TLCD1: variants seen among roughly 807,000 people sequenced by gnomAD.
TLCD1 encodes TLC domain containing 1.
In TLCD1, 21 loss-of-function variants were observed where a neutral mutation model predicts 21.2. The ratio of observed to expected loss-of-function variants is 0.99; its 90% confidence interval spans 0.70 to 1.42. The LOEUF is 1.42. Ranked by LOEUF, TLCD1 falls within the 40% of genes most tolerant of loss-of-function variation. The pLI, the probability that TLCD1 is intolerant of heterozygous loss-of-function variation, is 0.00. For synonymous variants in TLCD1, 168 were observed against 134.8 expected (o/e 1.25, Z -1.71); for missense variants, 344 against 330.3 (o/e 1.04, Z -0.32).
upstream of TLCD1, chr17:28,727,159 A>T: frequency 4.5e-6 from 1 of 224,598 alleles, no homozygotes; most frequent in Non-Finnish European, 8.8e-6. Context: ...GAGGGAGAAG[A>T]GGGTAGTAAT....
intron 3 of TLCD1, 94 bp from the exon 4 acceptor site, chr17:28,724,987 AT>A (rs1332374274): frequency 6.5e-6 from 9 of 1,380,764 alleles, no homozygotes; most frequent in Non-Finnish European, 8.8e-6. Flanking sequence ...GGGCTGGAAA[AT>A]CCCAAATTTC....
At chr17:28,725,750 T>G in intron 1 of TLCD1, 154 bp downstream of exon 1, 1 of 1,208,326 alleles carries the variant, frequency 8.3e-7, no homozygotes. Context: ...CTGGGGCCAC[T>G]GCGGCTTTTG....
Position 28,724,871 on chromosome 17 carries a change from C to G in TLCD1, c.383G>C (p.Gly128Ala). 5.6e-6 allele frequency: 9 copies of G among 1,613,380 alleles called. No homozygotes were observed. Among genetic ancestry groups the G allele is most frequent in the Non-Finnish European group, 7.6e-6 (9 of 1,179,790 alleles). ...ACCGACAAAGCTGCTCCAAAAGATG[C>G]CGGAGAAGAAGGCACCCATGGCCTA... The part of the protein sequence containing the change: ...HVMAMGAFFS[G>A]IFWSSFVGGG... Residue 128 changes from glycine (G) to alanine (A), a missense_variant, in exon 4 of 4, where the codon GGC becomes GCC. Gly to Ala is a moderately conservative substitution (Grantham distance 60, BLOSUM62 0). Coordinates refer to ENST00000292090, the MANE Select transcript of TLCD1 (RefSeq NM_138463.4).
At position 28,726,182 on chromosome 17, in the gene TLCD1, G is replaced by T; in HGVS notation, c.-85C>A. The stretch of plus-strand genomic sequence containing the variant: ...GATCCCTCTCGGGCCAGTCCAGGCC[G>T]GCCGCCTCTCCCGCCGGCCGCCAGC... On this transcript the variant is annotated 5_prime_UTR_variant, in exon 1 of 4. Transcript: ENST00000292090. 1.5e-6 allele frequency: 2 copies of T among 1,374,500 alleles called. No individual in the cohort carries two copies. The highest frequency in any genetic ancestry group is 1.7e-5 in the South Asian group (1 of 59,988). The allele number at this position is 1,374,500 out of a possible 1,614,324, so 85.1% of individuals were successfully genotyped here.
At position 28,724,849 on chromosome 17, in the gene TLCD1, G is replaced by T. The variant is rs750254511; in HGVS notation, c.405C>A (p.Val135=). Residue 135 remains valine (V), a synonymous_variant, in exon 4 of 4, where the codon GTC becomes GTA. Transcript: ENST00000292090. ...FFSGIFWSSF[V]GGGVLTLLVE... is the part of the protein sequence containing the mutation. The stretch of plus-strand genomic sequence containing the variant: ...CCAGTAGTGTTAAGACACCCCCACC[G>T]ACAAAGCTGCTCCAAAAGATGCCGG... 9 of 1,613,888 alleles carry T rather than the reference G, an allele frequency of 5.6e-6. No individual in the cohort carries two copies. Among genetic ancestry groups the T allele is most frequent in the Non-Finnish European group, 6.8e-6 (8 of 1,180,010 alleles).
rs2034221717 is a variant in TLCD1 at position 28,726,031 on chromosome 17, G to A, written c.67C>T (p.Arg23Trp). 1.9e-6 allele frequency: 3 copies of A among 1,591,062 alleles called. No individual in the cohort carries two copies. Among genetic ancestry groups the A allele is most frequent in the Non-Finnish European group, 2.6e-6 (3 of 1,171,084 alleles). ...AGGGGCAGGCGACAGAGCGCGCGCC[G>A]GAGCGCCCGGAAGGTCAGCGTGGCG... ...LGATLTFRAL[R>W]RALCRLPLPV... Residue 23 changes from arginine (R) to tryptophan (W), a missense_variant, in exon 1 of 4, where the codon CGG becomes TGG. Transcript: ENST00000292090.
chr17:28,725,794 CTG>C (rs1329059470), intron 1 of TLCD1, 108 bp downstream of exon 1: 1 of 1,413,940 alleles, frequency 7.1e-7, no homozygotes, highest in African/African-American at 1.4e-5. Context: ...TCAGGTGAGA[CTG>C]CGTGGCCTCA....
chr17:28,724,700 GC>G lies in TLCD1; in HGVS notation c.553del (p.Ala185ProfsTer14), dbSNP rs1180504909. On this transcript the variant is annotated frameshift_variant, in exon 4 of 4. Transcript: ENST00000292090. LOFTEE classifies it high-confidence loss of function. ...NLVMYFLFRL[A>X]PQAYLTHFFL... Reference sequence around the variant, plus strand: ...GAAATGGGTGAGGTAGGCCTGAGGGGCCAGGCGGAAGAGAAAGTACATGACC... The same window carrying G: ...GAAATGGGTGAGGTAGGCCTGAGGGGCAGGCGGAAGAGAAAGTACATGACC... 6.2e-7 allele frequency: 1 copy of G among 1,614,132 alleles called. No homozygotes were observed. The highest frequency in any genetic ancestry group is 8.5e-7 in the Non-Finnish European group (1 of 1,179,994).
chr17:28,725,796 G>A, intron 1 of TLCD1, 108 bp downstream of exon 1: 1 of 1,417,594 alleles, frequency 7.1e-7, no homozygotes, highest in South Asian at 1.4e-5. Context: ...AGGTGAGACT[G>A]CGTGGCCTCA....
At chr17:28,726,777 G>A (rs1347334046), upstream of TLCD1, 3 of 1,549,394 alleles carry the variant, frequency 1.9e-6, no homozygotes, top group Non-Finnish European at 2.6e-6. Context: ...GCGCCCGCGA[G>A]GTGGGCACTT....
intron 2 of TLCD1, 41 bp from the exon 3 acceptor site, chr17:28,725,427 C>G (rs1323251583): frequency 1.9e-6 from 3 of 1,613,984 alleles, no homozygotes; most frequent in South Asian, 1.1e-5. Context: ...ACTGAACAAG[C>G]AGCTTCCTTC....
At chr17:28,727,036 C>G (rs1008523686), upstream of TLCD1, 3 of 587,886 alleles carry the variant, frequency 5.1e-6, no homozygotes, top group Non-Finnish European at 9.2e-6. Flanking sequence ...CGGGCTCCCC[C>G]TCCCGCCTCC....
At position 28,726,154 on chromosome 17, in the gene TLCD1, C is replaced by T. The variant is rs1057309931; in HGVS notation, c.-57G>A. 1.3e-5 allele frequency: 18 copies of T among 1,401,200 alleles called. No homozygotes were observed. In the African/African-American group the frequency reaches 2.3e-4, roughly 18 times the overall value. 86.8% of individuals were successfully genotyped at this position (1,401,200 alleles called of 1,614,324 possible). On this transcript the variant is annotated 5_prime_UTR_variant, in exon 1 of 4. Coordinates refer to ENST00000292090, the MANE Select transcript of TLCD1 (RefSeq NM_138463.4). ...CGCCTCCTAGGTCTGTTCTGGGAACCGGGATCCCTCTCGGGCCAGTCCAGG... is the reference window on the plus strand; with the variant it reads ...CGCCTCCTAGGTCTGTTCTGGGAACTGGGATCCCTCTCGGGCCAGTCCAGG...
chr17:28,725,783 A>T (rs1012055306), intron 1 of TLCD1, 121 bp downstream of exon 1: 2 of 1,345,444 alleles, frequency 1.5e-6, no homozygotes, highest in Non-Finnish European at 1.0e-6. Context: ...ACCAAACGGG[A>T]TCAGGTGAGA....
In TLCD1 at chr17:28,726,053, G is replaced by A; in HGVS notation, c.45C>T (p.Ala15=). ...LHPALPLLLG[A]TLTFRALRRA... ...GCCGGAGCGCCCGGAAGGTCAGCGTGGCGCCCAGGAGCAGCGGCAGGGCGG... is the reference window on the plus strand; with the variant it reads ...GCCGGAGCGCCCGGAAGGTCAGCGTAGCGCCCAGGAGCAGCGGCAGGGCGG... Residue 15 remains alanine, a synonymous_variant, in exon 1 of 4, where the codon GCC becomes GCT. Transcript: ENST00000292090. 2 of 1,556,696 alleles carry A rather than the reference G, an allele frequency of 1.3e-6. No homozygotes were observed. Among genetic ancestry groups the A allele is most frequent in the Non-Finnish European group, 1.7e-6 (2 of 1,156,894 alleles).
chr17:28,724,855 GC>G lies in TLCD1; in HGVS notation c.398del (p.Ser133ThrfsTer8). On this transcript the variant is annotated frameshift_variant, in exon 4 of 4. Coordinates refer to ENST00000292090, the MANE Select transcript of TLCD1 (RefSeq NM_138463.4). LOFTEE classifies it high-confidence loss of function. Reference protein sequence around the residue: ...GAFFSGIFWSSFVGGGVLTLL... With the variant: ...GAFFSGIFWSXFVGGGVLTLL... The stretch of plus-strand genomic sequence containing the variant: ...GTGTTAAGACACCCCCACCGACAAA[GC>G]TGCTCCAAAAGATGCCGGAGAAGAA... 6.2e-7 allele frequency: 1 copy of G among 1,613,880 alleles called. No homozygotes were observed. Among genetic ancestry groups the G allele is most frequent in the Non-Finnish European group, 8.5e-7 (1 of 1,180,004 alleles).
Position 28,725,346 on chromosome 17 carries a change from T to C in TLCD1, c.318A>G (p.Gly106=), listed in dbSNP as rs1160961549. The change falls in exon 3 of 4, where the codon GGA becomes GGG. Residue 106 remains glycine, a synonymous_variant. Coordinates refer to ENST00000292090, the MANE Select transcript of TLCD1 (RefSeq NM_138463.4). The part of the protein sequence containing the change: ...IHDTVDIVAS[G]QTRASWEYLV... Reference sequence around the variant, plus strand: ...GGTATTCCCAAGAGGCTCGCGTCTGTCCGCTAGCCACGATGTCCACCGTAT... The same window carrying C: ...GGTATTCCCAAGAGGCTCGCGTCTGCCCGCTAGCCACGATGTCCACCGTAT... 6.2e-7 allele frequency: 1 copy of C among 1,613,992 alleles called. No homozygotes were observed. The highest frequency in any genetic ancestry group is 1.1e-5 in the South Asian group (1 of 91,078).
upstream of TLCD1, chr17:28,726,354 T>C (rs1277711366): frequency 1.9e-5 from 13 of 686,596 alleles, no homozygotes; most frequent in African/African-American, 2.3e-4. Flanking sequence ...CAGGCGCTGC[T>C]GCCGCGCGAG....
At chr17:28,725,752 C>T in intron 1 of TLCD1, 152 bp downstream of exon 1, 3 of 1,214,452 alleles carry the variant, frequency 2.5e-6, no homozygotes, top group Non-Finnish European at 3.4e-6. Flanking sequence ...GGGGCCACTG[C>T]GGCTTTTGGT....
Sources: allele counts gnomAD v4.1 joint callset, GRCh38; gene constraint gnomAD v4.1.1; transcripts MANE v1.5; gene names NCBI Gene and HGNC (gene_info 2026-07-23, HGNC 2026-07-21).